The following ZFC3H1 variants were observed in gnomAD, a reference collection of about 807,000 sequenced individuals.
ZFC3H1 encodes the protein zinc finger C3H1 domain-containing protein.
Under a neutral mutation model 243.7 loss-of-function variants are expected in ZFC3H1, and 71 were observed. The ratio of observed to expected loss-of-function variants is 0.29; its 90% confidence interval spans 0.24 to 0.36. The LOEUF (loss-of-function observed/expected upper bound fraction) is 0.36, where lower values mean the gene tolerates loss of function less well. Ranked by LOEUF, ZFC3H1 falls within the 10% of genes least tolerant of loss-of-function variation. The pLI is 1.00. For synonymous variants in ZFC3H1, 838 were observed against 813.0 expected (o/e 1.03, Z -0.52); for missense variants, 1,966 against 2,317.1 (o/e 0.85, Z 3.11).
At position 71,612,857 on chromosome 12, in the gene ZFC3H1, T is replaced by C. The variant is rs866183751; in HGVS notation, c.5627+478A>G. ...TGAGAAATCTCGTTCTGATCGAATA[T>C]ATGAAATCCCTAATCAGTGCTTCAA... On this transcript the variant is annotated intron_variant, in intron 31 of 34. Coordinates refer to ENST00000378743, the MANE Select transcript of ZFC3H1 (RefSeq NM_144982.5). Among the ~76,000 whole-genome samples the C allele has an allele frequency of 6.2e-4, 95 of 152,310 alleles. 1 individual carries two copies. Among genetic ancestry groups the C allele is most frequent in the African/African-American group, 1.7e-3 (70 of 41,584 alleles).
Position 71,632,916 on chromosome 12 carries a change from T to G in ZFC3H1, c.2787A>C (p.Gly929=). ...RAKAVASKEI[G]KRKLEQDRFG... ...AGCGATCTTGTTCCAGTTTACGTTT[T>G]CCTATTTCTTTACTGGCCACTGCCT... The change falls in exon 14 of 35, where the codon GGA becomes GGC. Residue 929 remains glycine (G), a synonymous_variant. Transcript: ENST00000378743. The G allele has an allele frequency of 2.5e-6, 4 of 1,613,054 alleles. No homozygotes were observed. Among genetic ancestry groups the G allele is most frequent in the Non-Finnish European group, 3.4e-6 (4 of 1,179,740 alleles).
At position 71,631,994 on chromosome 12, in the gene ZFC3H1, G is replaced by C. The variant is rs1225353249; in HGVS notation, c.3338C>G (p.Thr1113Arg). ...QLILKTTTGITEKVLHGQEIS... is the reference protein window; with the variant it reads ...QLILKTTTGIREKVLHGQEIS... Reference sequence around the variant, plus strand: ...TACCTGACCATGCAAAACCTTCTCTGTAATGCCTGTGGTGGTTTTTAAAAT... The same window carrying C: ...TACCTGACCATGCAAAACCTTCTCTCTAATGCCTGTGGTGGTTTTTAAAAT... The change falls in exon 15 of 35, where the codon ACA (threonine) becomes AGA (arginine). Residue 1113 changes from threonine (T) to arginine (R), a missense_variant. Physicochemically the swap from Thr to Arg is moderately conservative, Grantham distance 71. Around this residue, in one of 4 missense-constraint regions of ZFC3H1, gnomAD observed 1,383 missense variants for 1,723.7 expected, o/e 0.80. Transcript: ENST00000378743. 1 of 1,599,924 alleles carries C rather than the reference G, an allele frequency of 6.3e-7. No homozygotes were observed. Among genetic ancestry groups the C allele is most frequent in the Non-Finnish European group, 8.5e-7 (1 of 1,174,834 alleles).
At chr12:71,630,782 A>G in intron 17 of ZFC3H1, 41 bp downstream of exon 17, 1 of 1,608,740 alleles carries the variant, frequency 6.2e-7, no homozygotes, top group East Asian at 2.2e-5. Context: ...AGCAAACAAG[A>G]CCATTTTTCA....
intron 1 of ZFC3H1, among the ~76,000 whole-genome samples, chr12:71,657,879 C>T (rs973247976): frequency 6.6e-5 from 10 of 152,010 alleles, no homozygotes; most frequent in Admixed American, 1.3e-4. Flanking sequence ...GTCCCAGGTA[C>T]TTGAGACGCT....
rs1312750256 is a variant in ZFC3H1, at chr12:71,633,225, T to C, written c.2685+39A>G. The C allele has an allele frequency of 1.3e-6, 2 of 1,521,722 alleles. 1 individual carries two copies. Among genetic ancestry groups the C allele is most frequent in the South Asian group, 2.6e-5 (2 of 75,954 alleles). 94.3% of individuals were successfully genotyped at this position (1,521,722 alleles called of 1,614,324 possible). A position where few individuals can be genotyped will look rare whatever the true frequency, so the allele number is the denominator to read the frequency against. On this transcript the variant is annotated intron_variant, in intron 13 of 34. Transcript: ENST00000378743. ...ACAGAAAATTTGGCCTATAAAAATG[T>C]GTAGTAAACAGGAGACTACAGTATT...
At chr12:71,610,872 G>A (rs1253495043) in intron 33 of ZFC3H1, 115 bp from the exon 34 acceptor site, 18 of 1,417,946 alleles carry the variant, frequency 1.3e-5, no homozygotes, top group Admixed American at 6.2e-5. Context: ...AAATGGTTAT[G>A]CTGAGTTTTG....
chr12:71,637,699 C>T (rs1424525432), intron 7 of ZFC3H1, among the ~76,000 whole-genome samples: 2 of 152,144 alleles, frequency 1.3e-5, no homozygotes, highest in Non-Finnish European at 2.9e-5. Context: ...GAAGAAAGTG[C>T]TGTTTTCTCT....
At chr12:71,629,071 T>C (rs532828983) in intron 19 of ZFC3H1, 34 bp from the exon 20 acceptor site, 27 of 1,538,736 alleles carry the variant, frequency 1.8e-5, no homozygotes, top group Non-Finnish European at 2.4e-5. Context: ...TTAATTGATA[T>C]AACTAGTTTT....
Position 71,663,847 on chromosome 12 carries a change from C to T in ZFC3H1, c.-237G>A, listed in dbSNP as rs761776861. 4 of 563,726 alleles carry T rather than the reference C, an allele frequency of 7.1e-6. No individual in the cohort carries two copies. The highest frequency in any genetic ancestry group is 4.7e-5 in the South Asian group (2 of 42,292). 34.9% of individuals were successfully genotyped at this position (563,726 alleles called of 1,614,324 possible). On this transcript the variant is annotated 5_prime_UTR_variant, in exon 1 of 35. Transcript: ENST00000378743. ...CCCTTGCTCCTCAGCGATCGGGGTT[C>T]TTCCGCCTCGCGAGAAAGGGACTCT...
intron 1 of ZFC3H1, among the ~76,000 whole-genome samples, chr12:71,662,392 C>G (rs551251047): frequency 6.6e-6 from 1 of 151,880 alleles, no homozygotes; most frequent in African/African-American, 2.4e-5. Flanking sequence ...AAAGTGAACA[C>G]AGATAGAAAC....
In ZFC3H1 at chr12:71,613,338, A is replaced by G; in HGVS notation, c.5624T>C (p.Leu1875Ser). 1 of 1,608,284 alleles carries G rather than the reference A, an allele frequency of 6.2e-7. No individual in the cohort carries two copies. Among genetic ancestry groups the G allele is most frequent in the East Asian group, 2.2e-5 (1 of 44,732 alleles). ...AAGAATGTTAAGTTTTTCTTACCTC[A>G]ATGCAAGTCCAGAATTAGCTGGCAT... is the stretch of plus-strand genomic sequence containing the variant. Reference protein sequence around the residue: ...SVMPANSGLALRLLQHEWEES... With the variant: ...SVMPANSGLASRLLQHEWEES... The change falls in exon 31 of 35, where the codon TTG becomes TCG. Residue 1875 changes from leucine to serine, a missense_variant. Transcript: ENST00000378743.
At chr12:71,648,797 A>G (rs1880795991) in intron 2 of ZFC3H1, among the ~76,000 whole-genome samples, 1 of 152,234 alleles carries the variant, frequency 6.6e-6, no homozygotes, top group Non-Finnish European at 1.5e-5. Flanking sequence ...ACATTAGAAA[A>G]TAATTCGAGC....
chr12:71,629,434 T>G (rs914609036), intron 19 of ZFC3H1, among the ~76,000 whole-genome samples, 175 bp downstream of exon 19: 1 of 152,074 alleles, frequency 6.6e-6, no homozygotes, highest in Admixed American at 6.6e-5. Flanking sequence ...CCCAAAGTGC[T>G]GGGATTACAG....
chr12:71,629,183 G>GTC (rs1474549515), intron 19 of ZFC3H1, 146 bp from the exon 20 acceptor site: 1 of 714,056 alleles, frequency 1.4e-6, no homozygotes, highest in Non-Finnish European at 2.1e-6. Flanking sequence ...TGAGATGGAA[G>GTC]TCTCACTCTG....
Position 71,657,310 on chromosome 12 carries a change from C to T in ZFC3H1, c.599-9G>A. 2.1e-6 allele frequency: 3 copies of T among 1,456,652 alleles called. No individual in the cohort carries two copies. Among genetic ancestry groups the T allele is most frequent in the Non-Finnish European group, 2.7e-6 (3 of 1,105,234 alleles). The allele number at this position is 1,456,652 out of a possible 1,614,324, so 90.2% of individuals were successfully genotyped here. A position where few individuals can be genotyped will look rare whatever the true frequency, so the allele number is the denominator to read the frequency against. On this transcript the variant is annotated splice_polypyrimidine_tract_variant and intron_variant, in intron 1 of 34. Coordinates refer to ENST00000378743, the MANE Select transcript of ZFC3H1 (RefSeq NM_144982.5). ...CCTTCCAAAACTTTTGGCTGAACAG[C>T]ATATTAAGGAAACCAGTTTCCAAAA... is the stretch of plus-strand genomic sequence containing the variant.
At position 71,619,463 on chromosome 12, in the gene ZFC3H1, A is replaced by G. The variant is rs1005016856; in HGVS notation, c.5050-54T>C. On this transcript the variant is annotated intron_variant, in intron 26 of 34. Transcript: ENST00000378743. ...TATCAGGCTTACAATGTTTAATTAAAATGTCACGAGGGAGAAAAAAAGCCT... is the reference window on the plus strand; with the variant it reads ...TATCAGGCTTACAATGTTTAATTAAGATGTCACGAGGGAGAAAAAAAGCCT... 46 of 1,540,538 alleles carry G rather than the reference A, an allele frequency of 3.0e-5. No homozygotes were observed. In the Admixed American group the frequency reaches 7.7e-4, roughly 26 times the overall value.
chr12:71,624,829 C>T (rs1198258188), intron 22 of ZFC3H1, among the ~76,000 whole-genome samples: 4 of 151,998 alleles, frequency 2.6e-5, no homozygotes, highest in African/African-American at 7.2e-5. Flanking sequence ...TAGCCAGGCA[C>T]GGTGGTGCAT....
intron 2 of ZFC3H1, among the ~76,000 whole-genome samples, chr12:71,654,649 GA>G (rs1005933148): frequency 6.7e-6 from 1 of 148,766 alleles, no homozygotes; most frequent in African/African-American, 2.5e-5. Flanking sequence ...ACTAGCAAAT[GA>G]AAAAAAATTG....
intron 11 of ZFC3H1, 136 bp downstream of exon 11, chr12:71,634,568 G>T: frequency 9.2e-7 from 1 of 1,087,346 alleles, no homozygotes; most frequent in African/African-American, 1.6e-5. Flanking sequence ...ACCATCTTCT[G>T]TGTGAGTTAT....
Sources: allele counts gnomAD v4.1 joint callset (sites outside exome capture counted in the v4.1 genomes callset), GRCh38; gene constraint gnomAD v4.1.1; regional missense constraint gnomAD v4.1.1; transcripts MANE v1.5; gene names NCBI Gene and HGNC (gene_info 2026-07-23, HGNC 2026-07-21).